Variants in CUX1 observed in about 807,000 individuals in gnomAD.
CUX1 encodes the protein protein CASP.
Under a neutral mutation model 158.8 loss-of-function variants are expected in CUX1, and 31 were observed. That is an observed-to-expected ratio of 0.20 (90% CI 0.15 to 0.26). The LOEUF is 0.26. Among genes scored for constraint, CUX1 ranks in the 10% least tolerant of loss-of-function variants. The pLI is 1.00. For missense variants in CUX1, 1,589 were observed against 2,014.6 expected, an observed-to-expected ratio of 0.79 and a Z score of 4.04; for synonymous variants, 879 against 862.1, an observed-to-expected ratio of 1.02 and a Z score of -0.34.
At chr7:102,084,992 A>G (rs201433) in intron 4 of CUX1, among the ~76,000 whole-genome samples, 2 of 151,106 alleles carry the variant, frequency 1.3e-5, no homozygotes, top group Admixed American at 6.6e-5. Context: ...TAAGTATAAT[A>G]TCAACTGTAG....
At chr7:102,049,164 A>G (rs1209048575) in intron 3 of CUX1, among the ~76,000 whole-genome samples, 4 of 152,208 alleles carry the variant, frequency 2.6e-5, no homozygotes, top group Non-Finnish European at 5.9e-5. Flanking sequence ...AAGGCCTGCC[A>G]TGGTTCACTG....
intron 2 of CUX1, among the ~76,000 whole-genome samples, chr7:102,006,177 A>G (rs1817342864): frequency 6.6e-6 from 1 of 152,108 alleles, no homozygotes; most frequent in Non-Finnish European, 1.5e-5. Context: ...GTAAAGAGAA[A>G]AAGACCCGCG....
intron 8 of CUX1, chr7:102,153,610 C>T (rs1419397853): frequency 2.0e-5 from 3 of 152,306 alleles, no homozygotes; most frequent in Non-Finnish European, 2.9e-5. Flanking sequence ...CCATCCCCTT[C>T]CCTTCCTTCC....
intron 2 of CUX1, among the ~76,000 whole-genome samples, chr7:102,023,339 G>C (rs982014171): frequency 2.0e-5 from 3 of 152,232 alleles, no homozygotes; most frequent in Non-Finnish European, 2.9e-5. Flanking sequence ...GTGCGGGTGT[G>C]CATGAGGACC....
chr7:102,145,946 C>T (rs1362826789), intron 8 of CUX1, among the ~76,000 whole-genome samples: 1 of 151,994 alleles, frequency 6.6e-6, no homozygotes, highest in Non-Finnish European at 1.5e-5. Context: ...GACTCCATCT[C>T]AAAAATAAAT....
At chr7:102,233,993 TC>T (rs1799279310) in intron 21 of CUX1, 58 bp from the exon 22 acceptor site, 2 of 1,333,664 alleles carry the variant, frequency 1.5e-6, no homozygotes, top group Non-Finnish European at 2.0e-6. Flanking sequence ...CACGTACTTG[TC>T]CCTTCAGATC....
At chr7:102,039,942 G>C (rs534163186) in intron 3 of CUX1, among the ~76,000 whole-genome samples, 2 of 152,216 alleles carry the variant, frequency 1.3e-5, no homozygotes, top group South Asian at 4.1e-4. Context: ...TTCCCTTTGT[G>C]CTGAATGTCT....
chr7:102,088,492 G>A (rs1260331893), intron 4 of CUX1, among the ~76,000 whole-genome samples: 13 of 151,972 alleles, frequency 8.6e-5, no homozygotes, highest in Admixed American at 6.5e-4. Flanking sequence ...GAATTAGCTG[G>A]GTGTGATGGT....
chr7:102,038,616 C>G (rs1821710947), intron 3 of CUX1, among the ~76,000 whole-genome samples: 1 of 152,172 alleles, frequency 6.6e-6, no homozygotes, highest in Admixed American at 6.5e-5. Context: ...AAAGACTCAC[C>G]TGTACCTTGA....
chr7:101,989,180 T>A (rs1236152193), intron 2 of CUX1, among the ~76,000 whole-genome samples: 1 of 151,838 alleles, frequency 6.6e-6, no homozygotes, highest in African/African-American at 2.4e-5. Context: ...AGCACCGACG[T>A]CACCTCATCC....
At chr7:101,913,365 A>G in intron 1 of CUX1, 1 of 1,264,394 alleles carries the variant, frequency 7.9e-7, no homozygotes. Flanking sequence ...GGAGGGCCGC[A>G]GACCCCCGTT....
chr7:101,937,381 T>A (rs536961194), intron 2 of CUX1, among the ~76,000 whole-genome samples: 1 of 152,222 alleles, frequency 6.6e-6, no homozygotes, highest in Non-Finnish European at 1.5e-5. Context: ...GGATTATTTC[T>A]GAGCAAAGAT....
intron 2 of CUX1, among the ~76,000 whole-genome samples, chr7:102,000,404 C>A (rs1585229301): frequency 6.6e-6 from 1 of 152,176 alleles, no homozygotes; most frequent in South Asian, 2.1e-4. Flanking sequence ...CAAGTGCATG[C>A]GTCTGACCCA....
chr7:102,258,986 G>C (rs1029163754), downstream of CUX1, among the ~76,000 whole-genome samples: 3 of 152,182 alleles, frequency 2.0e-5, no homozygotes, highest in African/African-American at 7.2e-5. Flanking sequence ...GCTCGTCTTG[G>C]GTTGGAAAAG....
chr7:102,181,749 C>T lies in CUX1; in HGVS notation c.1017+3092C>T, dbSNP rs539465271. Among the ~76,000 whole-genome samples the T allele has an allele frequency of 2.6e-5, 4 of 152,344 alleles. 1 individual carries two copies. The highest frequency in any genetic ancestry group is 2.6e-4 in the Admixed American group (4 of 15,302). ...CCAGATTGTCCTGATACGAAACCCA[C>T]ATGCAGAAAGCATCTGACTTCACCA... is the stretch of plus-strand genomic sequence containing the variant. On this transcript the variant is annotated intron_variant, in intron 11 of 23. Transcript: ENST00000292535.
intron 18 of CUX1, among the ~76,000 whole-genome samples, chr7:102,278,479 C>T (rs1301742291): frequency 1.3e-5 from 2 of 151,972 alleles, no homozygotes; most frequent in Non-Finnish European, 2.9e-5. Flanking sequence ...GTAGTCCCAG[C>T]TACTCAGGAG....
intron 4 of CUX1, among the ~76,000 whole-genome samples, chr7:102,088,551 T>C (rs1381900107): frequency 6.6e-6 from 1 of 152,050 alleles, no homozygotes; most frequent in Non-Finnish European, 1.5e-5. Context: ...GGAGATTCTC[T>C]TGAATCCAGT....
downstream of CUX1, among the ~76,000 whole-genome samples, chr7:102,262,221 G>A (rs1235001129): frequency 1.3e-5 from 2 of 152,200 alleles, no homozygotes; most frequent in African/African-American, 4.8e-5. Flanking sequence ...GGCTAACATG[G>A]TGAAACCCTG....
intron 2 of CUX1, among the ~76,000 whole-genome samples, chr7:101,944,943 T>G (rs1049799349): frequency 1.3e-5 from 2 of 152,170 alleles, no homozygotes; most frequent in African/African-American, 4.8e-5. Context: ...CAATTTAGCC[T>G]GGGGATGAAG....
Sources: gnomAD v4.1 joint callset for allele counts (sites outside exome capture counted in the v4.1 genomes callset) on GRCh38, gnomAD v4.1.1 for gene constraint, MANE v1.5 for transcripts, NCBI Gene and HGNC (gene_info 2026-07-23, HGNC 2026-07-21) for gene names.